The following ZNF385D variants were observed in gnomAD, a reference collection of about 807,000 sequenced individuals.
ZNF385D encodes the protein zinc finger protein 659.
A neutral mutation model predicts 35.8 loss-of-function variants in ZNF385D; 15 were observed. The observed-to-expected ratio is 0.42, with a 90% confidence interval of 0.28 to 0.64. The LOEUF is 0.64. Among genes scored for constraint, ZNF385D ranks in the 30% least tolerant of loss-of-function variants. ZNF385D has a pLI of 0.23. For synonymous variants in ZNF385D, 212 were observed against 186.8 expected (o/e 1.13, Z -1.10); for missense variants, 474 against 494.6 (o/e 0.96, Z 0.39).
In ZNF385D at chr3:21,560,551, G is replaced by A. The variant is rs893482229; in HGVS notation, c.276+4023C>T. On this transcript the variant is annotated intron_variant, in intron 3 of 7. Coordinates refer to ENST00000281523, the MANE Select transcript of ZNF385D (RefSeq NM_024697.3). ...AGAGGGCTACCTGCCAGATGCCAGC[G>A]AGAGCTCTCCTGTATGAGGTGCCGG... 7.2e-5 allele frequency among the ~76,000 whole-genome samples: 11 copies of A among 152,150 alleles called. No homozygotes were observed. The East Asian group carries it at 9.7e-4, about 13-fold the overall frequency.
chr3:22,346,100 T>C (rs1184941776), intron 2 of ZNF385D, among the ~76,000 whole-genome samples: 2 of 152,236 alleles, frequency 1.3e-5, no homozygotes. Flanking sequence ...AAATTGAATG[T>C]CTGCTTTACT....
chr3:21,973,979 A>T (rs915267249), intron 3 of ZNF385D, among the ~76,000 whole-genome samples: 36 of 152,150 alleles, frequency 2.4e-4, no homozygotes, highest in Admixed American at 1.5e-3. Flanking sequence ...ATATATTTTT[A>T]AAAATGTATA....
intron 2 of ZNF385D, among the ~76,000 whole-genome samples, chr3:22,261,302 A>G (rs1033708553): frequency 1.3e-5 from 2 of 152,072 alleles, no homozygotes; most frequent in African/African-American, 4.8e-5. Context: ...AAGACTAGGT[A>G]AAAATGGTGC....
chr3:21,633,050 A>G (rs1168033313), intron 2 of ZNF385D, among the ~76,000 whole-genome samples: 2 of 152,112 alleles, frequency 1.3e-5, no homozygotes, highest in Non-Finnish European at 2.9e-5. Context: ...ATGAAAATGC[A>G]CAAAAGTCTA....
At chr3:21,771,112 G>A (rs1325409488) in intron 3 of ZNF385D, among the ~76,000 whole-genome samples, 1 of 151,168 alleles carries the variant, frequency 6.6e-6, no homozygotes, top group Admixed American at 6.6e-5. Flanking sequence ...AGGGGAGAGG[G>A]ATAGCATTAG....
intron 2 of ZNF385D, among the ~76,000 whole-genome samples, chr3:22,260,862 A>G (rs1325263089): frequency 2.0e-5 from 3 of 152,068 alleles, no homozygotes; most frequent in South Asian, 2.1e-4. Flanking sequence ...ACGTGTTTTT[A>G]TCACTTATTC....
At chr3:21,543,485 G>A (rs1447262235) in intron 3 of ZNF385D, among the ~76,000 whole-genome samples, 7 of 152,148 alleles carry the variant, frequency 4.6e-5, no homozygotes, top group Admixed American at 1.3e-4. Flanking sequence ...CACTCCTTGC[G>A]GGGCTGGGAT....
At chr3:21,649,612 T>C (rs974629340) in intron 2 of ZNF385D, among the ~76,000 whole-genome samples, 1 of 152,230 alleles carries the variant, frequency 6.6e-6, no homozygotes, top group Admixed American at 6.5e-5. Context: ...AGCTTCAGTC[T>C]CTTTCATTGA....
At chr3:21,469,761 C>T (rs1221478586) in intron 4 of ZNF385D, among the ~76,000 whole-genome samples, 2 of 151,504 alleles carry the variant, frequency 1.3e-5, no homozygotes, top group African/African-American at 4.9e-5. Flanking sequence ...TGACCACTTA[C>T]AGTTAAAGAA....
chr3:22,031,348 G>A (rs1465283217), intron 3 of ZNF385D, among the ~76,000 whole-genome samples: 2 of 152,006 alleles, frequency 1.3e-5, no homozygotes, highest in Non-Finnish European at 2.9e-5. Flanking sequence ...GCAGGCTTCT[G>A]TCTGGACATC....
intron 3 of ZNF385D, chr3:21,942,581 A>AT (rs933971062): frequency 6.6e-6 from 1 of 152,218 alleles, no homozygotes; most frequent in Non-Finnish European, 1.5e-5. Context: ...TCATGCATAT[A>AT]TGGGCAATTG....
intron 2 of ZNF385D, among the ~76,000 whole-genome samples, chr3:22,314,279 CT>C (rs1191166219): frequency 6.6e-6 from 1 of 152,010 alleles, no homozygotes; most frequent in Non-Finnish European, 1.5e-5. Flanking sequence ...CCTTCCTACC[CT>C]TTCCCCACTG....
chr3:22,096,065 C>G (rs1426587802), intron 3 of ZNF385D, among the ~76,000 whole-genome samples: 2 of 151,796 alleles, frequency 1.3e-5, no homozygotes, highest in Non-Finnish European at 2.9e-5. Context: ...AAATGTGAAG[C>G]AGAAACTTAG....
At chr3:21,490,115 C>T (rs767490583) in intron 4 of ZNF385D, among the ~76,000 whole-genome samples, 1 of 152,088 alleles carries the variant, frequency 6.6e-6, no homozygotes, top group East Asian at 1.9e-4. Flanking sequence ...TTCCTTTGCT[C>T]TCCAACTCTT....
At position 22,117,689 on chromosome 3, in the gene ZNF385D, A is replaced by C. The variant is rs138978704; in HGVS notation, c.325+51128T>G. Among the ~76,000 whole-genome samples the C allele has an allele frequency of 5.4e-3, 817 of 152,124 alleles. 2 individuals are homozygous for C. The highest frequency in any genetic ancestry group is 0.018 in the African/African-American group (734 of 41,534). ...TGGTTACAAATTTCTAACTTGATCA[A>C]CATTACTGGTAATATTACCATTGAT... is the stretch of plus-strand genomic sequence containing the variant. On this transcript the variant is annotated intron_variant, in intron 3 of 5. Transcript: ENST00000494108.
chr3:21,619,673 T>C (rs568815219), intron 2 of ZNF385D, among the ~76,000 whole-genome samples: 1 of 152,070 alleles, frequency 6.6e-6, no homozygotes, highest in Non-Finnish European at 1.5e-5. Context: ...GTGGTAAGAG[T>C]TGTAAAATCT....
intron 4 of ZNF385D, among the ~76,000 whole-genome samples, chr3:21,447,980 T>C (rs983419900): frequency 6.6e-6 from 1 of 152,182 alleles, no homozygotes; most frequent in Admixed American, 6.5e-5. Flanking sequence ...CATTATCCCA[T>C]CTGGACTCAG....
At chr3:21,498,945 CAAAAAAAAA>C (rs35511402) in intron 4 of ZNF385D, among the ~76,000 whole-genome samples, 2 of 64,276 alleles carry the variant, frequency 3.1e-5, no homozygotes, top group African/African-American at 1.3e-4. Context: ...GACTCCATCT[CAAAAAAAAA>C]AAAAAAAAAA....
chr3:21,490,727 A>C (rs372717115), intron 4 of ZNF385D, among the ~76,000 whole-genome samples: 11 of 151,564 alleles, frequency 7.3e-5, no homozygotes, highest in African/African-American at 2.4e-4. Flanking sequence ...TCTCTGAATG[A>C]AATGTGTGTG....
Sources: gnomAD v4.1 joint callset for allele counts (sites outside exome capture counted in the v4.1 genomes callset) on GRCh38, gnomAD v4.1.1 for gene constraint, MANE v1.5 for transcripts, NCBI Gene and HGNC (gene_info 2026-07-23, HGNC 2026-07-21) for gene names.